Variants in SMOC2 observed in about 807,000 individuals in gnomAD.
SMOC2 encodes SPARC-related modular calcium-binding protein 2.
SMOC2 carries 39 observed loss-of-function variants against 61.4 expected under a neutral mutation model. The ratio of observed to expected loss-of-function variants is 0.64; its 90% CI spans 0.49 to 0.83. The LOEUF (loss-of-function observed/expected upper bound fraction) is 0.83. SMOC2 is among the 40% of genes least tolerant of loss of function. SMOC2 has a pLI of 0.00. For synonymous variants in SMOC2, 247 were observed against 239.9 expected, an observed-to-expected ratio of 1.03 and a Z score of -0.27; for missense variants, 556 against 592.9, an observed-to-expected ratio of 0.94 and a Z score of 0.65.
At chr6:168,461,663 G>T (rs1420108532) in intron 1 of SMOC2, among the ~76,000 whole-genome samples, 1 of 152,156 alleles carries the variant, frequency 6.6e-6, no homozygotes, top group Non-Finnish European at 1.5e-5. Flanking sequence ...CTTGACTCTA[G>T]TAGCACATTC....
At chr6:168,510,191 G>T in intron 2 of SMOC2, 105 bp downstream of exon 2, 2 of 1,133,602 alleles carry the variant, frequency 1.8e-6, no homozygotes, top group Non-Finnish European at 2.5e-6. Flanking sequence ...ACAAACTCGG[G>T]TTTATGTTGG....
In SMOC2 at chr6:168,592,341, G is replaced by GGGCGTCTTTCTAGAGGATCTCCA. The variant is rs1785205222; in HGVS notation, c.638-6477_638-6476insGGCGTCTTTCTAGAGGATCTCCA. Among the ~76,000 whole-genome samples the GGGCGTCTTTCTAGAGGATCTCCA allele has an allele frequency of 4.8e-5, 6 of 123,996 alleles. 1 individual carries two copies. Among genetic ancestry groups the GGGCGTCTTTCTAGAGGATCTCCA allele is most frequent in the Non-Finnish European group, 7.2e-5 (4 of 55,232 alleles). The allele number at this position is 123,996 out of a possible 152,430, so 81.3% of individuals were successfully genotyped here. A position where few individuals can be genotyped will look rare whatever the true frequency, so the allele number is the denominator to read the frequency against. On this transcript the variant is annotated intron_variant, in intron 7 of 12. Transcript: ENST00000356284. ...ACGGGCGTCTTTCTAGAGGATCTCC[G>GGGCGTCTTTCTAGAGGATCTCCA]AGCTCCTCCTCCTTCCTGAGGCCTC...
rs961014469 is a variant in SMOC2, at chr6:168,475,496, C to T, written c.84+34042C>T. On this transcript the variant is annotated intron_variant, in intron 1 of 12. Coordinates refer to ENST00000356284, the MANE Select transcript of SMOC2 (RefSeq NM_001166412.2). This position sits in a 1 kb window ranked among gnomAD's most constrained non-coding sequence, Gnocchi z 4.6. ...GGTCTCATGCGGGCTCTGAGCAAGA[C>T]GGGTGAGATGTTCTGTAAACCTGTG... 3.3e-5 allele frequency among the ~76,000 whole-genome samples: 5 copies of T among 152,174 alleles called. No individual in the cohort carries two copies. Among genetic ancestry groups the T allele is most frequent in the South Asian group, 2.1e-4 (1 of 4,824 alleles).
chr6:168,592,157 T>C (rs1312640173), intron 7 of SMOC2, among the ~76,000 whole-genome samples: 1 of 152,220 alleles, frequency 6.6e-6, no homozygotes, highest in African/African-American at 2.4e-5. Flanking sequence ...TGGAGCAGCC[T>C]CTCCTTCCCT....
intron 11 of SMOC2, among the ~76,000 whole-genome samples, chr6:168,658,377 T>C (rs1787379862): frequency 1.3e-5 from 2 of 152,200 alleles, no homozygotes; most frequent in African/African-American, 2.4e-5. Flanking sequence ...AAATTAAGGA[T>C]GGGTAGAGCC....
chr6:168,581,085 T>C (rs1346796530), intron 7 of SMOC2, among the ~76,000 whole-genome samples: 3 of 152,142 alleles, frequency 2.0e-5, no homozygotes, highest in Non-Finnish European at 4.4e-5. Context: ...AGTAAACATA[T>C]GAAGAATTTT....
chr6:168,546,251 GAAAAAAAAAAAAAAAA>G (rs143673157), intron 5 of SMOC2, among the ~76,000 whole-genome samples: 4 of 66,456 alleles, frequency 6.0e-5, no homozygotes, highest in Non-Finnish European at 1.2e-4. Flanking sequence ...AAGCTTCAGT[GAAAAAAAAAAAAAAAA>G]AAAAAAAAAA....
At chr6:168,618,663 G>T (rs1222071392) in intron 9 of SMOC2, among the ~76,000 whole-genome samples, 1 of 152,182 alleles carries the variant, frequency 6.6e-6, no homozygotes, top group Non-Finnish European at 1.5e-5. Flanking sequence ...TTAAGACAAG[G>T]CCAGGGAATG....
chr6:168,507,241 T>G (rs1782892967), intron 1 of SMOC2, among the ~76,000 whole-genome samples: 1 of 152,202 alleles, frequency 6.6e-6, no homozygotes, highest in Admixed American at 6.5e-5. Flanking sequence ...AGAGACCACC[T>G]CTTAAACATA....
chr6:168,613,773 G>A, intron 9 of SMOC2, among the ~76,000 whole-genome samples: 1 of 115,540 alleles, frequency 8.7e-6, no homozygotes, highest in Non-Finnish European at 1.9e-5. Flanking sequence ...CCAGCACAGG[G>A]CCTCTTCACA....
chr6:168,643,850 T>C (rs756795967), intron 9 of SMOC2, among the ~76,000 whole-genome samples: 8 of 152,172 alleles, frequency 5.3e-5, no homozygotes, highest in South Asian at 2.1e-4. Context: ...GAGGCCACAG[T>C]GTGGTGCTGA....
intron 1 of SMOC2, among the ~76,000 whole-genome samples, chr6:168,463,060 A>G (rs146765651): frequency 6.6e-6 from 1 of 152,346 alleles, no homozygotes; most frequent in African/African-American, 2.4e-5. Flanking sequence ...CCATTCCCAC[A>G]GGGGAGTTGG....
chr6:168,464,186 C>CA (rs61434310), intron 1 of SMOC2, among the ~76,000 whole-genome samples: 22,771 of 112,246 alleles, frequency 0.2, 2,989 homozygotes, highest in African/African-American at 0.3. Context: ...GCAAGACTGT[C>CA]AAAAAAAAAA....
At chr6:168,501,884 C>T (rs1028869106) in intron 1 of SMOC2, among the ~76,000 whole-genome samples, 33 of 152,362 alleles carry the variant, frequency 2.2e-4, no homozygotes, top group Admixed American at 1.8e-3. Context: ...GCCCTGGCCA[C>T]ATCCTCCTGC....
At chr6:168,664,384 C>CTTTTTTTTTTTTTT (rs750178882) in intron 12 of SMOC2, 1 of 283,080 alleles carries the variant, frequency 3.5e-6, no homozygotes, top group African/African-American at 4.0e-5. Flanking sequence ...TTTGGTAGAT[C>CTTTTTTTTTTTTTT]TTTTTTTTTT....
rs187755774 is a variant in SMOC2 at position 168,592,476 on chromosome 6, G to T, written c.638-6342G>T. Among the ~76,000 whole-genome samples, 478 of 54,224 alleles carry T rather than the reference G, an allele frequency of 8.8e-3. 22 individuals are homozygous for T. Among genetic ancestry groups the T allele is most frequent in the Non-Finnish European group, 0.012 (308 of 24,738 alleles). 35.6% of individuals were successfully genotyped at this position (54,224 alleles called of 152,430 possible). ...CCTCCTTCCTGAGGCCTCACGAGGG[G>T]CCTCTTTCTAGAGGATCGCGGAGCT... is the stretch of plus-strand genomic sequence containing the variant. On this transcript the variant is annotated intron_variant, in intron 7 of 12. Transcript: ENST00000356284.
intron 2 of SMOC2, among the ~76,000 whole-genome samples, chr6:168,515,389 G>C (rs1031477519): frequency 3.9e-5 from 6 of 152,200 alleles, no homozygotes; most frequent in African/African-American, 1.4e-4. Context: ...GAAATAACTG[G>C]GTGTCACGCC....
intron 9 of SMOC2, among the ~76,000 whole-genome samples, chr6:168,638,700 C>T (rs991908364): frequency 4.6e-5 from 7 of 152,136 alleles, no homozygotes; most frequent in African/African-American, 1.7e-4. Context: ...GAAGGTGCCC[C>T]GGGCTGGGGG....
At chr6:168,506,154 C>T (rs1015967726) in intron 1 of SMOC2, among the ~76,000 whole-genome samples, 6 of 152,062 alleles carry the variant, frequency 3.9e-5, no homozygotes, top group African/African-American at 7.2e-5. Context: ...TCCACAGGTG[C>T]ACATTTATTG....
Sources: gnomAD v4.1 joint callset for allele counts (sites outside exome capture counted in the v4.1 genomes callset) on GRCh38, gnomAD v4.1.1 for gene constraint, Gnocchi (gnomAD v3.1) non-coding constraint, MANE v1.5 for transcripts, NCBI Gene and HGNC (gene_info 2026-07-23, HGNC 2026-07-21) for gene names.